AFG1L: variants seen among roughly 807,000 people sequenced by gnomAD.
AFG1L encodes the protein AFG1-like ATPase.
Under a neutral mutation model 62.2 loss-of-function variants are expected in AFG1L, and 53 were observed. The observed-to-expected ratio is 0.85, with a 90% CI of 0.68 to 1.07. AFG1L has a LOEUF of 1.07. AFG1L is among the 50% of genes least tolerant of loss of function. AFG1L has a pLI of 0.00. For synonymous variants in AFG1L, 228 were observed against 210.3 expected, an observed-to-expected ratio of 1.08 and a Z score of -0.73; for missense variants, 555 against 590.5, an observed-to-expected ratio of 0.94 and a Z score of 0.62.
chr6:108,460,721 G>C (rs1772424734), intron 8 of AFG1L, among the ~76,000 whole-genome samples: 1 of 152,184 alleles, frequency 6.6e-6, no homozygotes, highest in African/African-American at 2.4e-5. Context: ...ACTTTGGGAG[G>C]CCGAGGCGGG....
intron 7 of AFG1L, among the ~76,000 whole-genome samples, chr6:108,403,877 C>A (rs1781738027): frequency 6.7e-6 from 1 of 149,720 alleles, no homozygotes; most frequent in Admixed American, 6.7e-5. Context: ...TATTAATAGG[C>A]AAAATGAATA....
intron 6 of AFG1L, among the ~76,000 whole-genome samples, chr6:108,399,178 GTTTTTTT>G (rs57304886): frequency 1.6e-5 from 1 of 62,206 alleles, no homozygotes; most frequent in East Asian, 6.0e-4. Flanking sequence ...TCTTTTGTTT[GTTTTTTT>G]TTTTTTTTTT....
At chr6:108,473,709 C>T (rs540566069) in intron 8 of AFG1L, among the ~76,000 whole-genome samples, 3 of 152,166 alleles carry the variant, frequency 2.0e-5, no homozygotes, top group Non-Finnish European at 4.4e-5. Flanking sequence ...AGGCGCATGC[C>T]ACCACACCCA....
chr6:108,437,590 G>A (rs1012352088), intron 7 of AFG1L, among the ~76,000 whole-genome samples: 3 of 152,084 alleles, frequency 2.0e-5, no homozygotes, highest in Admixed American at 6.6e-5. Context: ...AATGTCCTAC[G>A]TAATGGAAAT....
intron 6 of AFG1L, among the ~76,000 whole-genome samples, chr6:108,395,155 A>G (rs1474759103): frequency 6.6e-6 from 1 of 152,276 alleles, no homozygotes; most frequent in South Asian, 2.1e-4. Context: ...AGCTTATGCA[A>G]ATACTTTGCT....
intron 6 of AFG1L, among the ~76,000 whole-genome samples, chr6:108,374,980 A>G (rs978595586): frequency 5.3e-5 from 8 of 151,972 alleles, no homozygotes; most frequent in African/African-American, 1.9e-4. Context: ...ATATTTCTCC[A>G]TTTCTTTGTG....
At position 108,380,533 on chromosome 6, in the gene AFG1L, C is replaced by T. The variant is rs531591421; in HGVS notation, c.748+14201C>T. On this transcript the variant is annotated intron_variant, in intron 6 of 12. Transcript: ENST00000368977. ...GCCAGGCTTGTGACAGGGGAGAGCA[C>T]AATTCCAGCACCTACTGCTGAAGCA... Among the ~76,000 whole-genome samples the T allele has an allele frequency of 1.3e-4, 20 of 152,280 alleles. 1 individual carries two copies. The highest frequency in any genetic ancestry group is 1.2e-3 in the Admixed American group (19 of 15,298).
chr6:108,341,410 G>A (rs929173056), intron 2 of AFG1L, among the ~76,000 whole-genome samples: 14 of 152,214 alleles, frequency 9.2e-5, no homozygotes, highest in South Asian at 4.2e-4. Flanking sequence ...CTTTTTTCAC[G>A]AATTACAGGT....
chr6:108,478,673 A>C (rs1259075044), intron 10 of AFG1L, among the ~76,000 whole-genome samples: 5 of 152,202 alleles, frequency 3.3e-5, no homozygotes, highest in African/African-American at 1.2e-4. Context: ...CTTGAGAAGA[A>C]TCTTGTATAT....
rs569322046 is a variant in AFG1L at position 108,441,136 on chromosome 6, A to G, written c.808-6078A>G. Among the ~76,000 whole-genome samples, 5 of 152,336 alleles carry G rather than the reference A, an allele frequency of 3.3e-5. No homozygotes were observed. The East Asian group carries it at 7.7e-4, about 23-fold the overall frequency. ...GAGGTTAGTATGTTATAGTTTTAAA[A>G]GATTTTCTCCACAATGTCTTTATTC... On this transcript the variant is annotated intron_variant, in intron 7 of 12. Transcript: ENST00000368977.
rs1342203291 is a variant in AFG1L, at chr6:108,516,376, T to C, written c.1204-3321T>C. Among the ~76,000 whole-genome samples the C allele has an allele frequency of 2.0e-5, 3 of 152,196 alleles. No individual in the cohort carries two copies. In the East Asian group the frequency reaches 5.8e-4, roughly 29 times the overall value. ...ACAAATCAATAAACGTAATCCAGCATATCTACAGAACCAAAGACAAAAACC... is the reference window on the plus strand; with the variant it reads ...ACAAATCAATAAACGTAATCCAGCACATCTACAGAACCAAAGACAAAAACC... On this transcript the variant is annotated intron_variant, in intron 11 of 12. Coordinates refer to ENST00000368977, the MANE Select transcript of AFG1L (RefSeq NM_145315.5).
At chr6:108,306,487 A>G (rs1345765473) in intron 1 of AFG1L, among the ~76,000 whole-genome samples, 3 of 152,186 alleles carry the variant, frequency 2.0e-5, no homozygotes, top group African/African-American at 7.2e-5. Flanking sequence ...CAAGACTGAT[A>G]ATATTTCATT....
chr6:108,405,757 C>G (rs1268377782), intron 7 of AFG1L, among the ~76,000 whole-genome samples: 1 of 152,204 alleles, frequency 6.6e-6, no homozygotes, highest in Non-Finnish European at 1.5e-5. Flanking sequence ...CAAAATGAAA[C>G]TCTGTACTCA....
At chr6:108,374,072 G>C (rs1780136587) in intron 6 of AFG1L, among the ~76,000 whole-genome samples, 1 of 151,944 alleles carries the variant, frequency 6.6e-6, no homozygotes, top group African/African-American at 2.4e-5. Context: ...TTTCATTTGT[G>C]TTTCTCTCGT....
intron 1 of AFG1L, 29 bp downstream of exon 1, chr6:108,295,247 G>A: frequency 2.5e-6 from 4 of 1,586,646 alleles, no homozygotes; most frequent in African/African-American, 2.7e-5. Context: ...AGTAGTCCGA[G>A]CCGACTGCAT....
intron 3 of AFG1L, among the ~76,000 whole-genome samples, chr6:108,352,250 C>T (rs558481908): frequency 1.2e-4 from 19 of 152,058 alleles, no homozygotes; most frequent in African/African-American, 4.1e-4. Context: ...AATATTTGTC[C>T]TTTTGGGTCT....
intron 2 of AFG1L, among the ~76,000 whole-genome samples, chr6:108,329,999 C>CGGT (rs1554270674): frequency 6.6e-6 from 1 of 151,884 alleles, no homozygotes; most frequent in Non-Finnish European, 1.5e-5. Flanking sequence ...GAAGTGGGAC[C>CGGT]GGTGGCTTTA....
chr6:108,472,684 T>C (rs1012933946), intron 8 of AFG1L, among the ~76,000 whole-genome samples: 3 of 150,878 alleles, frequency 2.0e-5, no homozygotes, highest in African/African-American at 7.3e-5. Flanking sequence ...GAGCTATCTT[T>C]TTTTTTTTTT....
intron 12 of AFG1L, chr6:108,521,052 A>G (rs1775105788): frequency 6.6e-6 from 1 of 152,248 alleles, no homozygotes; most frequent in Admixed American, 6.5e-5. Context: ...TTGGATGTAC[A>G]TAAACATTCA....
Sources: allele counts gnomAD v4.1 joint callset (sites outside exome capture counted in the v4.1 genomes callset), GRCh38; gene constraint gnomAD v4.1.1; transcripts MANE v1.5; gene names NCBI Gene and HGNC (gene_info 2026-07-23, HGNC 2026-07-21).